MARCHF1: variants seen among roughly 807,000 people sequenced by gnomAD.
MARCHF1 encodes membrane associated ring-CH-type finger 1, also known as E3 ubiquitin-protein ligase MARCHF1.
MARCHF1 carries 40 observed loss-of-function variants against 54.2 expected under a neutral mutation model. The observed-to-expected ratio is 0.74, with a 90% CI of 0.57 to 0.96. MARCHF1 has a LOEUF of 0.96. Among genes scored for constraint, MARCHF1 ranks in the 40% least tolerant of loss-of-function variants. The probability of loss-of-function intolerance (pLI) is 0.00; values close to 1 mark genes in which losing one functional copy is unlikely to be tolerated. For synonymous variants in MARCHF1, 236 were observed against 236.3 expected, an observed-to-expected ratio of 1.00 and a Z score of 0.01; for missense variants, 586 against 656.5, an observed-to-expected ratio of 0.89 and a Z score of 1.17.
intron 3 of MARCHF1, among the ~76,000 whole-genome samples, chr4:163,968,015 C>T (rs759380433): frequency 2.0e-5 from 3 of 152,136 alleles, no homozygotes; most frequent in Non-Finnish European, 4.4e-5. Flanking sequence ...TTACTGTGGT[C>T]ATTCCTAGAT....
chr4:164,160,599 A>C (rs1201682669), intron 1 of MARCHF1, among the ~76,000 whole-genome samples: 2 of 152,192 alleles, frequency 1.3e-5, no homozygotes, highest in African/African-American at 2.4e-5. Flanking sequence ...TAAAATATCC[A>C]TTATCAGAAA....
Position 163,841,203 on chromosome 4 carries a change from C to T in MARCHF1, c.111+12818G>A, listed in dbSNP as rs188046464. Among the ~76,000 whole-genome samples the T allele has an allele frequency of 6.6e-5, 10 of 152,104 alleles. No individual in the cohort carries two copies. In the East Asian group the frequency reaches 1.2e-3, roughly 18 times the overall value. On this transcript the variant is annotated intron_variant, in intron 4 of 9. Transcript: ENST00000514618. ...ATGCTACTATCATGGTGGAAACATG[C>T]GATTATAAATTTGTCCAAACCCACA... is the stretch of plus-strand genomic sequence containing the variant.
intron 4 of MARCHF1, among the ~76,000 whole-genome samples, chr4:163,840,903 T>C (rs1455182721): frequency 1.3e-5 from 2 of 152,120 alleles, no homozygotes; most frequent in Non-Finnish European, 2.9e-5. Context: ...ACAACTTAAA[T>C]GGGCATATAC....
chr4:164,224,864 C>A (rs78618608), intron 1 of MARCHF1, among the ~76,000 whole-genome samples: 1,805 of 152,034 alleles, frequency 0.012, 41 homozygotes, highest in East Asian at 0.1. Context: ...AAGAGAAACA[C>A]GCTTTGATGC....
At chr4:163,739,732 C>T (rs1005295220) in intron 4 of MARCHF1, among the ~76,000 whole-genome samples, 2 of 152,118 alleles carry the variant, frequency 1.3e-5, no homozygotes, top group African/African-American at 4.8e-5. Flanking sequence ...ACTCAAACTT[C>T]TTTTATGTGC....
At chr4:164,128,732 A>G (rs1381513972) in intron 1 of MARCHF1, among the ~76,000 whole-genome samples, 2 of 152,144 alleles carry the variant, frequency 1.3e-5, no homozygotes, top group Admixed American at 6.6e-5. Context: ...CTCCCACTCT[A>G]TGCTGAAGAT....
chr4:163,868,808 T>A (rs532916270), intron 3 of MARCHF1, among the ~76,000 whole-genome samples: 4 of 152,080 alleles, frequency 2.6e-5, no homozygotes, highest in African/African-American at 7.2e-5. Flanking sequence ...AAAAAGAGAC[T>A]TTGCTGGACA....
At chr4:164,113,874 G>A (rs1053382697) in intron 1 of MARCHF1, among the ~76,000 whole-genome samples, 3 of 150,258 alleles carry the variant, frequency 2.0e-5, no homozygotes, top group Admixed American at 1.3e-4. Flanking sequence ...CACTTCTCAG[G>A]GTGACCCACT....
chr4:163,940,218 G>A (rs1022418860), intron 3 of MARCHF1, among the ~76,000 whole-genome samples: 1 of 152,072 alleles, frequency 6.6e-6, no homozygotes, highest in Non-Finnish European at 1.5e-5. Context: ...AATTTCTGTT[G>A]TTTAGCCACT....
chr4:164,272,202 T>C (rs939113690), intron 1 of MARCHF1, among the ~76,000 whole-genome samples: 2 of 152,016 alleles, frequency 1.3e-5, no homozygotes, highest in Non-Finnish European at 2.9e-5. Context: ...AGCTACTTTA[T>C]AGAATATTAC....
chr4:164,203,423 T>A (rs890360864), intron 1 of MARCHF1, among the ~76,000 whole-genome samples: 59 of 152,272 alleles, frequency 3.9e-4, no homozygotes, highest in Non-Finnish European at 4.1e-4. Flanking sequence ...GCCTGGAGAC[T>A]CAGCAAAGAG....
In MARCHF1 at chr4:164,333,650, C is replaced by A. The variant is rs1445224481; in HGVS notation, c.-323+50220G>T. ...TCGGACTTCCCTATTTCCCGAGCCA[C>A]AACAATACTGAAATTAGTCCAATTA... is the stretch of plus-strand genomic sequence containing the variant. On this transcript the variant is annotated intron_variant, in intron 1 of 9. Transcript: ENST00000514618. 3.9e-5 allele frequency among the ~76,000 whole-genome samples: 6 copies of A among 152,284 alleles called. No individual in the cohort carries two copies. In the East Asian group the frequency reaches 1.2e-3, roughly 29 times the overall value.
intron 3 of MARCHF1, among the ~76,000 whole-genome samples, chr4:163,977,703 A>G (rs1014082302): frequency 2.6e-5 from 4 of 152,218 alleles, no homozygotes; most frequent in Admixed American, 2.6e-4. Context: ...CAGTTGAAGA[A>G]CATTTTAAGT....
In MARCHF1 at chr4:163,914,089, G is replaced by GT. The variant is rs1247332763; in HGVS notation, c.-38-59921dup. On this transcript the variant is annotated intron_variant, in intron 3 of 9. Coordinates refer to ENST00000514618, the MANE Select transcript of MARCHF1 (RefSeq NM_001394959.1). The stretch of plus-strand genomic sequence containing the variant: ...ATAATTTACATGATGTGGAAAAATT[G>GT]TGTTTTTTTCCATATAGAGAGTATA... Among the ~76,000 whole-genome samples the GT allele has an allele frequency of 2.4e-4, 4 of 16,434 alleles. No homozygotes were observed. In the Non-Finnish European group the frequency reaches 2.5e-3, roughly 10 times the overall value. The allele number at this position is 16,434 out of a possible 152,430, so 10.8% of individuals were successfully genotyped here.
chr4:163,885,088 T>C lies in MARCHF1; in HGVS notation c.-38-30919A>G, dbSNP rs149271176. ...ACTTAGAAGGAAAAAACAATATGTG[T>C]ATTTACATGCATGTAACTATAAAGA... is the stretch of plus-strand genomic sequence containing the variant. On this transcript the variant is annotated intron_variant, in intron 3 of 9. Coordinates refer to ENST00000514618, the MANE Select transcript of MARCHF1 (RefSeq NM_001394959.1). Among the ~76,000 whole-genome samples, 35 of 152,316 alleles carry C rather than the reference T, an allele frequency of 2.3e-4. 1 individual carries two copies. The East Asian group carries it at 6.6e-3, about 29-fold the overall frequency.
intron 4 of MARCHF1, among the ~76,000 whole-genome samples, chr4:163,745,452 A>G (rs1299878923): frequency 6.6e-6 from 1 of 151,908 alleles, no homozygotes; most frequent in Non-Finnish European, 1.5e-5. Context: ...TAGGTAACAT[A>G]CTCGACCCCG....
intron 4 of MARCHF1, among the ~76,000 whole-genome samples, chr4:163,724,457 G>A (rs1745587222): frequency 6.6e-6 from 1 of 152,202 alleles, no homozygotes; most frequent in South Asian, 2.1e-4. Flanking sequence ...TTGGGGGTCA[G>A]GGACCCACTT....
intron 1 of MARCHF1, among the ~76,000 whole-genome samples, chr4:164,311,015 C>T (rs374250048): frequency 6.6e-6 from 1 of 152,078 alleles, no homozygotes; most frequent in Non-Finnish European, 1.5e-5. Flanking sequence ...TAGAATTCAT[C>T]GTAAAGAATT....
At chr4:163,535,416 CT>C (rs1275999232) in intron 9 of MARCHF1, among the ~76,000 whole-genome samples, 1 of 152,060 alleles carries the variant, frequency 6.6e-6, no homozygotes, top group Non-Finnish European at 1.5e-5. Context: ...CAAAGGTGAG[CT>C]TATTACCCAA....
Sources: gnomAD v4.1 joint callset for allele counts (sites outside exome capture counted in the v4.1 genomes callset) on GRCh38, gnomAD v4.1.1 for gene constraint, MANE v1.5 for transcripts, NCBI Gene and HGNC (gene_info 2026-07-23, HGNC 2026-07-21) for gene names.